Variants in ZNF350 observed in about 807,000 individuals in gnomAD.
The protein encoded by ZNF350 is zinc finger protein 350.
A neutral mutation model predicts 13.1 loss-of-function variants in ZNF350; 5 were observed. The observed-to-expected ratio is 0.38, with a 90% confidence interval of 0.20 to 0.80. The LOEUF (loss-of-function observed/expected upper bound fraction) is 0.80, where lower values mean the gene tolerates loss of function less well. Ranked by LOEUF, ZNF350 falls within the 30% of genes least tolerant of loss-of-function variation. The probability of loss-of-function intolerance (pLI) is 0.43; values close to 1 mark genes in which losing one functional copy is unlikely to be tolerated. For missense variants in ZNF350, 534 were observed against 644.2 expected (o/e 0.83, Z 1.85); for synonymous variants, 199 against 224.2 (o/e 0.89, Z 1.00).
In ZNF350 at chr19:51,966,192, C is replaced by G; in HGVS notation, c.261G>C (p.Val87=). 1.3e-6 allele frequency: 2 copies of G among 1,584,796 alleles called. No individual in the cohort carries two copies. Among genetic ancestry groups the G allele is most frequent in the Middle Eastern group, 1.7e-4 (1 of 5,908 alleles). ...ACSDIWKVDH[V]LERLQSESLV... is the part of the protein sequence containing the mutation. The stretch of plus-strand genomic sequence containing the variant: ...GGCTTTCACTCTGCAAGCGCTCCAG[C>G]ACATGATCAACTTTCCATATGTCTA... The change falls in exon 5 of 5, where the codon GTG becomes GTC. Residue 87 remains valine, a synonymous_variant. Transcript: ENST00000243644.
chr19:51,977,111 T>C (rs1342857933), intron 1 of ZNF350, among the ~76,000 whole-genome samples: 1 of 152,170 alleles, frequency 6.6e-6, no homozygotes, highest in African/African-American at 2.4e-5. Context: ...GAAACCCTAA[T>C]ACAAAGAATT....
At chr19:51,985,984 G>A (rs953844375) in intron 1 of ZNF350, among the ~76,000 whole-genome samples, 1 of 152,060 alleles carries the variant, frequency 6.6e-6, no homozygotes, top group African/African-American at 2.4e-5. Flanking sequence ...TCCAGTCTGG[G>A]AGACAAAAGT....
intron 1 of ZNF350, chr19:51,981,317 G>C (rs2086037259): frequency 6.7e-6 from 1 of 149,508 alleles, no homozygotes. Context: ...AAAGCTCAGG[G>C]CCCTTGTCCA....
At position 51,965,556 on chromosome 19, in the gene ZNF350, G is replaced by A. The variant is rs558209878; in HGVS notation, c.897C>T (p.Phe299=). 1.2e-5 allele frequency: 20 copies of A among 1,614,172 alleles called. No individual in the cohort carries two copies. In the African/African-American group the frequency reaches 1.7e-4, roughly 14 times the overall value. The change falls in exon 5 of 5, where the codon TTC becomes TTT. Residue 299 remains phenylalanine (F), a synonymous_variant. Coordinates refer to ENST00000243644, the MANE Select transcript of ZNF350 (RefSeq NM_021632.4). Reference sequence around the variant, plus strand: ...GTACAATGAGATTTCCTTTCTGGATGAAGCCTTTTCCACATTCACTGCATA... The same window carrying A: ...GTACAATGAGATTTCCTTTCTGGATAAAGCCTTTTCCACATTCACTGCATA... ...PYICSECGKG[F]IQKGNLIVHQ...
chr19:51,979,445 T>C (rs916716493), intron 1 of ZNF350, among the ~76,000 whole-genome samples: 13 of 152,174 alleles, frequency 8.5e-5, no homozygotes, highest in Non-Finnish European at 1.8e-4. Context: ...AACAATGTCA[T>C]TAATTATACC....
At chr19:51,975,806 T>C (rs1452272598) in intron 1 of ZNF350, among the ~76,000 whole-genome samples, 1 of 151,958 alleles carries the variant, frequency 6.6e-6, no homozygotes, top group African/African-American at 2.4e-5. Context: ...AATGGTGTGA[T>C]CTCGGCCTCC....
rs1389194994 is a variant in ZNF350, at chr19:51,971,850, C to G, written c.15+2496G>C. On this transcript the variant is annotated intron_variant, in intron 2 of 4. Transcript: ENST00000243644. The stretch of plus-strand genomic sequence containing the variant: ...AGGTCTGTGCGGGTTACAAGTGGCG[C>G]CCAAACAGGGACAGAATTGGGTGCT... Among the ~76,000 whole-genome samples, 3 of 151,912 alleles carry G rather than the reference C, an allele frequency of 2.0e-5. No individual in the cohort carries two copies. The East Asian group carries it at 5.8e-4, about 29-fold the overall frequency.
intron 1 of ZNF350, among the ~76,000 whole-genome samples, chr19:51,978,293 G>C (rs1186174398): frequency 6.6e-6 from 1 of 152,154 alleles, no homozygotes; most frequent in African/African-American, 2.4e-5. Context: ...ATTAGTTAGG[G>C]GAGACAAACC....
At position 51,964,755 on chromosome 19, in the gene ZNF350, C is replaced by T. The variant is rs978359106; in HGVS notation, c.*99G>A. 2.2e-6 allele frequency: 3 copies of T among 1,371,382 alleles called. No homozygotes were observed. The highest frequency in any genetic ancestry group is 1.5e-5 in the African/African-American group (1 of 68,850). 85.0% of individuals were successfully genotyped at this position (1,371,382 alleles called of 1,614,324 possible). On this transcript the variant is annotated 3_prime_UTR_variant, in exon 5 of 5. Coordinates refer to ENST00000243644, the MANE Select transcript of ZNF350 (RefSeq NM_021632.4). ...TAATAGGATGAGTTTATCAGGCTAT[C>T]TCAGCCTTATACATGTTCTCTCAGT...
At chr19:51,985,308 A>G (rs1378852711) in intron 1 of ZNF350, among the ~76,000 whole-genome samples, 1 of 152,200 alleles carries the variant, frequency 6.6e-6, no homozygotes, top group Non-Finnish European at 1.5e-5. Context: ...CTATTTTCCT[A>G]CTTTATACTG....
At chr19:51,973,074 G>C (rs1348611019) in intron 2 of ZNF350, 2 of 151,302 alleles carry the variant, frequency 1.3e-5, no homozygotes, top group Non-Finnish European at 2.9e-5. Flanking sequence ...AGCCTCCCGA[G>C]TAGCTGGGAC....
chr19:51,965,915 C>T lies in ZNF350; in HGVS notation c.538G>A (p.Ala180Thr). The change falls in exon 5 of 5, where the codon GCA becomes ACA. Residue 180 changes from alanine (A) to threonine (T), a missense_variant. Physicochemically the swap from Ala to Thr is moderately conservative, Grantham distance 58. Coordinates refer to ENST00000243644, the MANE Select transcript of ZNF350 (RefSeq NM_021632.4). ...ERLHTAIKFP[A>T]SQKLISTKSQ... The stretch of plus-strand genomic sequence containing the variant: ...TTAGTGCTGATGAGTTTTTGACTTG[C>T]AGGGAATTTAATTGCAGTATGAAGT... 1 of 1,614,056 alleles carries T rather than the reference C, an allele frequency of 6.2e-7. No homozygotes were observed. Among genetic ancestry groups the T allele is most frequent in the Non-Finnish European group, 8.5e-7 (1 of 1,180,036 alleles).
chr19:51,966,596 G>A lies in ZNF350; in HGVS notation c.239-382C>T, dbSNP rs554390112. On this transcript the variant is annotated intron_variant, in intron 4 of 4. Transcript: ENST00000243644. The stretch of plus-strand genomic sequence containing the variant: ...AGACGGAGTCTCACTCTGTCGCCCA[G>A]GCTGGAGTGCAGTGGTACAATCCCG... Among the ~76,000 whole-genome samples the A allele has an allele frequency of 3.9e-5, 6 of 151,974 alleles. No homozygotes were observed. In the South Asian group the frequency reaches 1.2e-3, roughly 32 times the overall value.
intron 2 of ZNF350, among the ~76,000 whole-genome samples, chr19:51,970,373 T>A (rs912955721): frequency 2.6e-5 from 4 of 152,286 alleles, no homozygotes; most frequent in Non-Finnish European, 4.4e-5. Context: ...CCATATACTT[T>A]AAATTATCTT....
chr19:51,982,506 A>G (rs547718773), intron 1 of ZNF350, among the ~76,000 whole-genome samples: 1 of 152,332 alleles, frequency 6.6e-6, no homozygotes, highest in Admixed American at 6.5e-5. Context: ...TATATTTTTA[A>G]AATTAGATTT....
chr19:51,966,293 T>C (rs979363990), intron 4 of ZNF350, 79 bp from the exon 5 acceptor site: 2 of 1,442,578 alleles, frequency 1.4e-6, no homozygotes, highest in African/African-American at 3.0e-5. Context: ...TTTTTTTGTT[T>C]TTTTTTTTAA....
chr19:51,965,226 T>C lies in ZNF350; in HGVS notation c.1227A>G (p.Lys409=). 3 of 1,614,210 alleles carry C rather than the reference T, an allele frequency of 1.9e-6. No individual in the cohort carries two copies. Among genetic ancestry groups the C allele is most frequent in the East Asian group, 2.2e-5 (1 of 44,886 alleles). The change falls in exon 5 of 5, where the codon AAA becomes AAG. Residue 409 remains lysine (K), a synonymous_variant. Transcript: ENST00000243644. ...CCAGACACGACATATACGCAAACGC[T>C]TTCCCACACTCGTTACAGCCATAGG... ...ERPYGCNECG[K]AFAYMSCLVK...
intron 1 of ZNF350, among the ~76,000 whole-genome samples, chr19:51,986,302 G>A (rs1439589914): frequency 6.6e-6 from 1 of 152,084 alleles, no homozygotes; most frequent in East Asian, 1.9e-4. Flanking sequence ...CCAAAGTCTC[G>A]AAAGCTTCAG....
intron 4 of ZNF350, 140 bp from the exon 5 acceptor site, chr19:51,966,354 G>A: frequency 1.2e-6 from 1 of 831,572 alleles, no homozygotes; most frequent in Non-Finnish European, 1.8e-6. Flanking sequence ...TGCGATCTCA[G>A]CTCACTGCAA....
Sources: allele counts gnomAD v4.1 joint callset (sites outside exome capture counted in the v4.1 genomes callset), GRCh38; gene constraint gnomAD v4.1.1; transcripts MANE v1.5; gene names NCBI Gene and HGNC (gene_info 2026-07-23, HGNC 2026-07-21).